Variants in CTNNA3 observed in about 807,000 individuals in gnomAD.
CTNNA3 encodes catenin alpha-3.
A neutral mutation model predicts 95.7 loss-of-function variants in CTNNA3; 76 were observed. That is an observed-to-expected ratio of 0.79 (90% confidence interval 0.66 to 0.96). The LOEUF is 0.96. Among genes scored for constraint, CTNNA3 ranks in the 40% least tolerant of loss-of-function variants. The probability of loss-of-function intolerance (pLI) is 0.00; values close to 1 mark genes in which losing one functional copy is unlikely to be tolerated. For missense variants in CTNNA3, 1,191 were observed against 1,089.8 expected (o/e 1.09, Z -1.31); for synonymous variants, 431 against 374.4 (o/e 1.15, Z -1.74).
intron 9 of CTNNA3, among the ~76,000 whole-genome samples, chr10:66,755,791 T>A (rs1440909346): frequency 2.6e-5 from 4 of 152,162 alleles, no homozygotes; most frequent in Non-Finnish European, 5.9e-5. Flanking sequence ...TTTTCCTAAT[T>A]CAACTTTTAA....
intron 17 of CTNNA3, among the ~76,000 whole-genome samples, chr10:65,965,467 C>CGAT (rs559248899): frequency 1.4e-4 from 19 of 139,356 alleles, no homozygotes; most frequent in Non-Finnish European, 2.4e-4. Flanking sequence ...TGCAGTGGCA[C>CGAT]GATCTCGGCT....
At chr10:67,628,446 G>A (rs575537031) in intron 2 of CTNNA3, among the ~76,000 whole-genome samples, 151 of 152,170 alleles carry the variant, frequency 9.9e-4, no homozygotes, top group Middle Eastern at 6.8e-3. Context: ...TATTTTAAAT[G>A]TTTGACATAC....
chr10:66,308,592 A>G lies in CTNNA3; in HGVS notation c.1733-27971T>C, dbSNP rs2132250854. On this transcript the variant is annotated intron_variant, in intron 12 of 17. Coordinates refer to ENST00000433211, the MANE Select transcript of CTNNA3 (RefSeq NM_013266.4). Reference sequence around the variant, plus strand: ...TTGCAAGCTTATGAAATTCTGAATCAATCTTTTTATTTTGGCTTCCAGTAG... The same window carrying G: ...TTGCAAGCTTATGAAATTCTGAATCGATCTTTTTATTTTGGCTTCCAGTAG... 1.3e-5 allele frequency among the ~76,000 whole-genome samples: 2 copies of G among 152,320 alleles called. 1 individual carries two copies. Among genetic ancestry groups the G allele is most frequent in the South Asian group, 4.1e-4 (2 of 4,832 alleles).
At chr10:66,595,041 T>G (rs1190865761) in intron 10 of CTNNA3, among the ~76,000 whole-genome samples, 6 of 151,978 alleles carry the variant, frequency 3.9e-5, no homozygotes, top group Admixed American at 3.9e-4. Context: ...GAACTGGAGA[T>G]CCCAGCCCTC....
chr10:66,028,153 G>T (rs576723897), intron 15 of CTNNA3, among the ~76,000 whole-genome samples: 17 of 152,292 alleles, frequency 1.1e-4, no homozygotes, highest in African/African-American at 3.1e-4. Flanking sequence ...AAAATGGACT[G>T]TAAACTAGTG....
At chr10:66,113,038 A>G (rs1408828197) in intron 13 of CTNNA3, among the ~76,000 whole-genome samples, 1 of 151,862 alleles carries the variant, frequency 6.6e-6, no homozygotes, top group Non-Finnish European at 1.5e-5. Flanking sequence ...ATTTTGAGAA[A>G]CCTCCATACT....
chr10:66,980,417 A>G (rs1368479930), intron 7 of CTNNA3, among the ~76,000 whole-genome samples: 1 of 151,408 alleles, frequency 6.6e-6, no homozygotes, highest in Non-Finnish European at 1.5e-5. Context: ...AGAAAAGAGA[A>G]CCCTGGCACT....
At chr10:67,245,493 G>T (rs1865869100) in intron 5 of CTNNA3, among the ~76,000 whole-genome samples, 1 of 152,120 alleles carries the variant, frequency 6.6e-6, no homozygotes, top group Admixed American at 6.6e-5. Context: ...CCCAAATCAA[G>T]AATTTTCAAT....
At chr10:66,626,061 T>C (rs909374411) in intron 9 of CTNNA3, among the ~76,000 whole-genome samples, 1 of 152,192 alleles carries the variant, frequency 6.6e-6, no homozygotes, top group Admixed American at 6.5e-5. Context: ...TGTTCTAATC[T>C]GGTAAAGATA....
intron 14 of CTNNA3, chr10:66,097,974 T>C (rs1256599852): frequency 2.0e-5 from 3 of 152,106 alleles, no homozygotes; most frequent in Non-Finnish European, 4.4e-5. Flanking sequence ...GATCCCCTGC[T>C]ATATGACCCT....
chr10:66,552,407 A>AAC (rs905593544), intron 10 of CTNNA3, among the ~76,000 whole-genome samples: 1 of 152,124 alleles, frequency 6.6e-6, no homozygotes, highest in Non-Finnish European at 1.5e-5. Flanking sequence ...GAGCATTTCA[A>AAC]ACACACACAT....
At chr10:65,991,321 T>C (rs1589223767) in intron 15 of CTNNA3, among the ~76,000 whole-genome samples, 2 of 152,116 alleles carry the variant, frequency 1.3e-5, no homozygotes. Context: ...TATTTTGATA[T>C]AATTCCACTG....
intron 13 of CTNNA3, among the ~76,000 whole-genome samples, chr10:66,145,788 C>T (rs902031622): frequency 1.3e-5 from 2 of 152,128 alleles, no homozygotes; most frequent in African/African-American, 2.4e-5. Flanking sequence ...CATAGATACA[C>T]ATAGAGATGC....
intron 12 of CTNNA3, among the ~76,000 whole-genome samples, chr10:66,366,270 G>A (rs2132446814): frequency 6.6e-6 from 1 of 152,258 alleles, no homozygotes; most frequent in Middle Eastern, 3.4e-3. Context: ...TAATATGCAT[G>A]TCAGTTAGGT....
At chr10:66,674,984 G>A (rs1015205450) in intron 9 of CTNNA3, among the ~76,000 whole-genome samples, 5 of 152,024 alleles carry the variant, frequency 3.3e-5, no homozygotes, top group Non-Finnish European at 7.4e-5. Context: ...AAGCACCAGG[G>A]CAAATATTTC....
At chr10:66,434,070 G>A (rs1157813705) in intron 11 of CTNNA3, among the ~76,000 whole-genome samples, 2 of 152,162 alleles carry the variant, frequency 1.3e-5, no homozygotes, top group African/African-American at 2.4e-5. Context: ...TTGAAGACAG[G>A]TAGCATTATG....
intron 17 of CTNNA3, among the ~76,000 whole-genome samples, chr10:65,940,639 G>A (rs1383231221): frequency 3.3e-5 from 5 of 152,132 alleles, no homozygotes; most frequent in Admixed American, 6.6e-5. Context: ...AGCAAAAACA[G>A]AATTGAGATG....
intron 7 of CTNNA3, among the ~76,000 whole-genome samples, chr10:67,128,435 A>T (rs942823834): frequency 6.6e-6 from 1 of 151,840 alleles, no homozygotes; most frequent in Non-Finnish European, 1.5e-5. Flanking sequence ...AAATAATCTG[A>T]TCCTTTTTTT....
At chr10:67,466,476 G>T (rs190331165) in intron 5 of CTNNA3, among the ~76,000 whole-genome samples, 2 of 152,052 alleles carry the variant, frequency 1.3e-5, no homozygotes, top group Non-Finnish European at 2.9e-5. Context: ...AAAAGTTTAG[G>T]TGCTACCATT....
Sources: gnomAD v4.1 joint callset for allele counts (sites outside exome capture counted in the v4.1 genomes callset) on GRCh38, gnomAD v4.1.1 for gene constraint, MANE v1.5 for transcripts, NCBI Gene and HGNC (gene_info 2026-07-23, HGNC 2026-07-21) for gene names.